Variants in DOCK7 observed in about 807,000 individuals in gnomAD.
The protein encoded by DOCK7 is dedicator of cytokinesis protein 7.
In DOCK7, 138 loss-of-function variants were observed where a neutral mutation model predicts 271.0. The ratio of observed to expected loss-of-function variants is 0.51; its 90% CI spans 0.44 to 0.59. The LOEUF is 0.59. DOCK7 is among the 20% of genes least tolerant of loss of function. The pLI is 0.00. For synonymous variants in DOCK7, 823 were observed against 876.1 expected, an observed-to-expected ratio of 0.94 and a Z score of 1.07; for missense variants, 2,066 against 2,592.4, an observed-to-expected ratio of 0.80 and a Z score of 4.41.
chr1:62,572,648 T>C (rs1014437756), intron 18 of DOCK7, among the ~76,000 whole-genome samples: 1 of 152,170 alleles, frequency 6.6e-6, no homozygotes, highest in African/African-American at 2.4e-5. Context: ...AGAGGGGATG[T>C]CAAGCTCTCT....
chr1:62,577,900 T>C (rs1230471368), intron 17 of DOCK7, among the ~76,000 whole-genome samples: 6 of 152,106 alleles, frequency 3.9e-5, no homozygotes, highest in Admixed American at 3.3e-4. Context: ...TAGGTTTATC[T>C]TTGCAATTCA....
intron 41 of DOCK7, among the ~76,000 whole-genome samples, chr1:62,490,681 A>G (rs1407971643): frequency 1.3e-5 from 2 of 152,206 alleles, no homozygotes; most frequent in African/African-American, 4.8e-5. Context: ...TACAACTGCA[A>G]AAGAATTTTA....
At chr1:62,484,455 A>G (rs950470540) in intron 43 of DOCK7, 4 of 152,134 alleles carry the variant, frequency 2.6e-5, no homozygotes, top group African/African-American at 7.2e-5. Flanking sequence ...TCTGAATACA[A>G]ATTCGTCACT....
chr1:62,617,988 A>G (rs533797098), intron 14 of DOCK7, among the ~76,000 whole-genome samples: 1 of 152,196 alleles, frequency 6.6e-6, no homozygotes, highest in Non-Finnish European at 1.5e-5. Context: ...TGGTGGTAAA[A>G]ATATACTAGG....
intron 15 of DOCK7, among the ~76,000 whole-genome samples, chr1:62,585,102 T>C (rs1218477343): frequency 6.6e-6 from 1 of 152,078 alleles, no homozygotes; most frequent in Non-Finnish European, 1.5e-5. Flanking sequence ...AAACATGAAA[T>C]GTGAATTCCA....
At chr1:62,524,165 G>A (rs954450346) in intron 31 of DOCK7, among the ~76,000 whole-genome samples, 2 of 152,156 alleles carry the variant, frequency 1.3e-5, no homozygotes, top group African/African-American at 4.8e-5. Context: ...AAGCTAAAAT[G>A]AGATTCAACT....
intron 48 of DOCK7, among the ~76,000 whole-genome samples, chr1:62,469,464 G>C (rs976136525): frequency 3.3e-5 from 5 of 152,092 alleles, no homozygotes; most frequent in Non-Finnish European, 5.9e-5. Context: ...ACTATAACTA[G>C]AAGATAGCAT....
At chr1:62,547,854 T>G (rs1249975312) in intron 22 of DOCK7, among the ~76,000 whole-genome samples, 1 of 152,224 alleles carries the variant, frequency 6.6e-6, no homozygotes, top group Non-Finnish European at 1.5e-5. Flanking sequence ...TAAATATTCT[T>G]AAATTTTAGG....
At chr1:62,493,536 T>A (rs1203048640) in intron 40 of DOCK7, among the ~76,000 whole-genome samples, 1 of 152,214 alleles carries the variant, frequency 6.6e-6, no homozygotes, top group Non-Finnish European at 1.5e-5. Flanking sequence ...TAAAAGATTA[T>A]CAAATTATTC....
chr1:62,665,061 A>G (rs1410254498), intron 1 of DOCK7, among the ~76,000 whole-genome samples: 1 of 152,130 alleles, frequency 6.6e-6, no homozygotes, highest in Non-Finnish European at 1.5e-5. Context: ...ATCTCGGCTC[A>G]CCAAAACCTC....
intron 41 of DOCK7, among the ~76,000 whole-genome samples, 161 bp from the exon 42 acceptor site, chr1:62,489,226 G>T (rs778706854): frequency 4.6e-5 from 7 of 152,174 alleles, no homozygotes; most frequent in Admixed American, 2.0e-4. Flanking sequence ...GAGGCGGGTG[G>T]ATCACAATGT....
intron 31 of DOCK7, among the ~76,000 whole-genome samples, chr1:62,518,810 A>G (rs1027913639): frequency 3.3e-5 from 5 of 152,102 alleles, no homozygotes; most frequent in Non-Finnish European, 7.4e-5. Context: ...AAGACAATAT[A>G]AAGTAAAACA....
At chr1:62,508,480 T>G (rs974732568) in intron 34 of DOCK7, among the ~76,000 whole-genome samples, 2 of 152,210 alleles carry the variant, frequency 1.3e-5, no homozygotes, top group Non-Finnish European at 2.9e-5. Flanking sequence ...ATGTACTTAA[T>G]TTGTCTAAGG....
intron 2 of DOCK7, among the ~76,000 whole-genome samples, chr1:62,655,572 G>C (rs1350444280): frequency 6.6e-6 from 1 of 151,934 alleles, no homozygotes; most frequent in Non-Finnish European, 1.5e-5. Context: ...TTACAGGCGT[G>C]AGCTACCATG....
chr1:62,485,616 TTCA>T, intron 43 of DOCK7: 5 of 985,322 alleles, frequency 5.1e-6, no homozygotes, highest in Non-Finnish European at 6.0e-6. Context: ...TACTGAAGTT[TTCA>T]TCGAGTCAAA....
chr1:62,544,361 C>T (rs982865895), intron 23 of DOCK7, among the ~76,000 whole-genome samples: 1 of 152,112 alleles, frequency 6.6e-6, no homozygotes, highest in African/African-American at 2.4e-5. Flanking sequence ...GTAAGCAAAA[C>T]CTAATTCAGC....
At chr1:62,634,676 G>T in intron 9 of DOCK7, 97 bp downstream of exon 9, 1 of 1,265,716 alleles carries the variant, frequency 7.9e-7, no homozygotes, top group Non-Finnish European at 1.1e-6. Context: ...AAAAAAATAT[G>T]TAAAGGTCAA....
chr1:62,620,603 G>A (rs563570167), intron 12 of DOCK7, among the ~76,000 whole-genome samples: 6 of 151,234 alleles, frequency 4.0e-5, no homozygotes, highest in African/African-American at 9.7e-5. Context: ...GTTACTGGCC[G>A]GGTGCAGTGG....
intron 40 of DOCK7, 47 bp downstream of exon 40, chr1:62,494,228 C>CA (rs1464306430): frequency 5.5e-6 from 8 of 1,463,966 alleles, no homozygotes; most frequent in Non-Finnish European, 7.3e-6. Flanking sequence ...AAGCTAAAAC[C>CA]AAAAAAAGAT....
Sources: allele counts gnomAD v4.1 joint callset (sites outside exome capture counted in the v4.1 genomes callset), GRCh38; gene constraint gnomAD v4.1.1; transcripts MANE v1.5; gene names NCBI Gene and HGNC (gene_info 2026-07-23, HGNC 2026-07-21).